The following SPATA31D1 variants were observed in gnomAD, a reference collection of about 807,000 sequenced individuals.
The protein encoded by SPATA31D1 is spermatogenesis-associated protein 31D1.
Under a neutral mutation model 13.2 loss-of-function variants are expected in SPATA31D1, and 6 were observed. The observed-to-expected ratio is 0.46, with a 90% confidence interval of 0.25 to 0.90. SPATA31D1 has a LOEUF of 0.90. Among genes scored for constraint, SPATA31D1 ranks in the 40% least tolerant of loss-of-function variants. The pLI is 0.18. For missense variants in SPATA31D1, 2,445 were observed against 1,884.7 expected, an observed-to-expected ratio of 1.30 and a Z score of -5.50; for synonymous variants, 903 against 718.8, an observed-to-expected ratio of 1.26 and a Z score of -4.10.
Position 81,992,634 on chromosome 9 carries a change from C to G in SPATA31D1, c.2164C>G (p.Leu722Val), listed in dbSNP as rs1369217622. ...LLRPQSKISE[L>V]SVSERIHGPL... Reference sequence around the variant, plus strand: ...ACGTCCTCAGAGCAAAATTTCAGAGCTATCTGTGTCAGAGAGAATTCATGG... The same window carrying G: ...ACGTCCTCAGAGCAAAATTTCAGAGGTATCTGTGTCAGAGAGAATTCATGG... The change falls in exon 4 of 4, where the codon CTA becomes GTA. Residue 722 changes from leucine to valine, a missense_variant. Transcript: ENST00000344803. 6.2e-7 allele frequency: 1 copy of G among 1,613,642 alleles called. No homozygotes were observed. The highest frequency in any genetic ancestry group is 1.1e-5 in the South Asian group (1 of 91,076).
At position 81,988,834 on chromosome 9, in the gene SPATA31D1, T is replaced by G. The variant is rs369117448; in HGVS notation, c.16T>G (p.Cys6Gly). The stretch of plus-strand genomic sequence containing the variant: ...TATTCAGACCATGGAGAATATCCTC[T>G]GTTTTCTGAACAGCTATACTGAGAC... MENILCFLNSYTETGL... is the reference protein window; with the variant it reads MENILGFLNSYTETGL... Residue 6 changes from cysteine (C) to glycine (G), a missense_variant, in exon 1 of 4, where the codon TGT (cysteine) becomes GGT (glycine). By Grantham distance (159) the Cys-to-Gly change is radical. Transcript: ENST00000344803. 1.9e-6 allele frequency: 3 copies of G among 1,612,724 alleles called. No individual in the cohort carries two copies. The East Asian group carries it at 6.7e-5, about 36-fold the overall frequency.
At position 81,993,750 on chromosome 9, in the gene SPATA31D1, C is replaced by A; in HGVS notation, c.3280C>A (p.His1094Asn). Residue 1094 changes from histidine to asparagine, a missense_variant, in exon 4 of 4, where the codon CAC (histidine) becomes AAC (asparagine). His to Asn is a moderately conservative substitution (Grantham distance 68). Coordinates refer to ENST00000344803, the MANE Select transcript of SPATA31D1 (RefSeq NM_001001670.3). ...DGRQTFLPPP[H>N]SIVDEVSQKQ... ...CAGACAGACTTTTCTGCCCCCGCCA[C>A]ACAGCATCGTAGACGAAGTCAGTCA... The A allele has an allele frequency of 2.5e-6, 4 of 1,614,022 alleles. No homozygotes were observed. The highest frequency in any genetic ancestry group is 3.4e-6 in the Non-Finnish European group (4 of 1,179,894).
chr9:81,993,887 G>A lies in SPATA31D1; in HGVS notation c.3417G>A (p.Arg1139=). 8 of 1,613,964 alleles carry A rather than the reference G, an allele frequency of 5.0e-6. No individual in the cohort carries two copies. The highest frequency in any genetic ancestry group is 6.8e-6 in the Non-Finnish European group (8 of 1,179,894). Reference sequence around the variant, plus strand: ...AGAGTTCCTTTCATAATGTAGACAGGCTTCAGGGCAGTAGAAAGACCTTTC... The same window carrying A: ...AGAGTTCCTTTCATAATGTAGACAGACTTCAGGGCAGTAGAAAGACCTTTC... ...KRKSSFHNVD[R]LQGSRKTFPV... is the part of the protein sequence containing the mutation. Residue 1139 remains arginine, a synonymous_variant, in exon 4 of 4, where the codon AGG becomes AGA. Coordinates refer to ENST00000344803, the MANE Select transcript of SPATA31D1 (RefSeq NM_001001670.3).
chr9:81,988,430 A>C (rs1824890975), upstream of SPATA31D1, among the ~76,000 whole-genome samples: 1 of 152,220 alleles, frequency 6.6e-6, no homozygotes, highest in African/African-American at 2.4e-5. Context: ...GCCTGGGTAC[A>C]ACAAATATTC....
Position 81,988,801 on chromosome 9 carries a change from A to G in SPATA31D1, c.-18A>G. The G allele has an allele frequency of 6.2e-7, 1 of 1,612,158 alleles. No homozygotes were observed. The highest frequency in any genetic ancestry group is 8.5e-7 in the Non-Finnish European group (1 of 1,179,712). Reference sequence around the variant, plus strand: ...CCCTCAGTGCTCAGTTGCTTCAGGCAGCTGAGCTATTCAGACCATGGAGAA... The same window carrying G: ...CCCTCAGTGCTCAGTTGCTTCAGGCGGCTGAGCTATTCAGACCATGGAGAA... On this transcript the variant is annotated 5_prime_UTR_variant, in exon 1 of 4. Transcript: ENST00000344803.
Position 81,991,309 on chromosome 9 carries a change from A to G in SPATA31D1, c.839A>G (p.Gln280Arg). Residue 280 changes from glutamine to arginine, a missense_variant, in exon 4 of 4, where the codon CAA becomes CGA. Physicochemically the swap from Gln to Arg is conservative, Grantham distance 43. Coordinates refer to ENST00000344803, the MANE Select transcript of SPATA31D1 (RefSeq NM_001001670.3). ...TTTTCATTTGGCTCCACCCTATGCC[A>G]AGATATTTCGCAGGCCATGAATCCC... ...TIFSFGSTLC[Q>R]DISQAMNPID... The G allele has an allele frequency of 6.2e-7, 1 of 1,614,056 alleles. No individual in the cohort carries two copies. Among genetic ancestry groups the G allele is most frequent in the Non-Finnish European group, 8.5e-7 (1 of 1,179,898 alleles).
At position 81,992,935 on chromosome 9, in the gene SPATA31D1, G is replaced by C. The variant is rs751718454; in HGVS notation, c.2465G>C (p.Gly822Ala). 25 of 1,613,724 alleles carry C rather than the reference G, an allele frequency of 1.5e-5. No individual in the cohort carries two copies. The highest frequency in any genetic ancestry group is 2.0e-5 in the Non-Finnish European group (24 of 1,179,716). ...LSGNDSGVRL[G>A]QKQLENALTV... ...GGGAATGACTCAGGGGTGAGACTAG[G>C]TCAGAAACAACTTGAAAATGCCCTG... The change falls in exon 4 of 4, where the codon GGT becomes GCT. Residue 822 changes from glycine (G) to alanine (A), a missense_variant. Physicochemically the swap from Gly to Ala is moderately conservative, Grantham distance 60. Transcript: ENST00000344803.
Position 81,991,749 on chromosome 9 carries a change from A to G in SPATA31D1, c.1279A>G (p.Met427Val). 1 of 1,613,780 alleles carries G rather than the reference A, an allele frequency of 6.2e-7. No homozygotes were observed. Among genetic ancestry groups the G allele is most frequent in the Non-Finnish European group, 8.5e-7 (1 of 1,179,726 alleles). ...RQVKKRGDFL[M>V]WKENGKKPGS... Reference sequence around the variant, plus strand: ...AGTCAAAAAAAGGGGTGATTTCCTGATGTGGAAAGAAAATGGAAAGAAACC... The same window carrying G: ...AGTCAAAAAAAGGGGTGATTTCCTGGTGTGGAAAGAAAATGGAAAGAAACC... Residue 427 changes from methionine to valine, a missense_variant, in exon 4 of 4, where the codon ATG becomes GTG. Transcript: ENST00000344803.
In SPATA31D1 at chr9:81,992,135, G is replaced by T. The variant is rs767239324; in HGVS notation, c.1665G>T (p.Leu555Phe). The T allele has an allele frequency of 6.2e-7, 1 of 1,613,456 alleles. No individual in the cohort carries two copies. Among genetic ancestry groups the T allele is most frequent in the Non-Finnish European group, 8.5e-7 (1 of 1,179,676 alleles). ...TTCCCCCTCCCCAACCTCTGTCCTT[G>T]CCTAGTACCCAACCACTACCCTTGC... is the stretch of plus-strand genomic sequence containing the variant. Reference protein sequence around the residue: ...PVLPPPQPLSLPSTQPLPLPQ... With the variant: ...PVLPPPQPLSFPSTQPLPLPQ... The change falls in exon 4 of 4, where the codon TTG (leucine) becomes TTT (phenylalanine). Residue 555 changes from leucine to phenylalanine, a missense_variant. Transcript: ENST00000344803.
Position 81,992,552 on chromosome 9 carries a change from G to A in SPATA31D1, c.2082G>A (p.Arg694=). 6.2e-7 allele frequency: 1 copy of A among 1,611,964 alleles called. No homozygotes were observed. Among genetic ancestry groups the A allele is most frequent in the Non-Finnish European group, 8.5e-7 (1 of 1,179,722 alleles). ...AACTAGAGCAACACATTCGAAGGAG[G>A]CTCATCCAGCGCAGATGGGGCCTGC... ...RKKLEQHIRR[R]LIQRRWGLPR... is the part of the protein sequence containing the mutation. Residue 694 remains arginine, a synonymous_variant, in exon 4 of 4, where the codon AGG becomes AGA. Coordinates refer to ENST00000344803, the MANE Select transcript of SPATA31D1 (RefSeq NM_001001670.3).
rs1199491834 is a variant in SPATA31D1, at chr9:81,991,460, AGGT to A, written c.993_995del (p.Gly332del). On this transcript the variant is annotated inframe_deletion, in exon 4 of 4. Transcript: ENST00000344803. ...AGACTTTTCCGGAAATGTTATCTCT[AGGT>A]GGCTCTGGTGGGTCATCCACCTCTG... The A allele has an allele frequency of 6.2e-7, 1 of 1,613,910 alleles. No homozygotes were observed. The highest frequency in any genetic ancestry group is 2.2e-5 in the East Asian group (1 of 44,888).
At chr9:81,989,087 G>A (rs1824902685) in intron 1 of SPATA31D1, 83 bp downstream of exon 1, 1 of 1,549,484 alleles carries the variant, frequency 6.5e-7, no homozygotes, top group East Asian at 2.3e-5. Flanking sequence ...AATAAGTTTG[G>A]TTGGTACAGA....
rs566094046 is a variant in SPATA31D1, at chr9:81,993,724, G to T, written c.3254G>T (p.Gly1085Val). The T allele has an allele frequency of 1.2e-6, 2 of 1,613,968 alleles. No homozygotes were observed. Among genetic ancestry groups the T allele is most frequent in the East Asian group, 4.5e-5 (2 of 44,866 alleles). The change falls in exon 4 of 4, where the codon GGC becomes GTC. Residue 1085 changes from glycine to valine, a missense_variant. Gly to Val is a moderately radical substitution (Grantham distance 109, BLOSUM62 -3). Coordinates refer to ENST00000344803, the MANE Select transcript of SPATA31D1 (RefSeq NM_001001670.3). ...LTESVRTTED[G>V]RQTFLPPPHS... ...GAAAGTGTCCGGACAACAGAGGATG[G>T]CAGACAGACTTTTCTGCCCCCGCCA...
rs964208834 is a variant in SPATA31D1, at chr9:81,992,648, G to C, written c.2178G>C (p.Glu726Asp). ...AAATTTCAGAGCTATCTGTGTCAGA[G>C]AGAATTCATGGACCGTTAAATATCT... is the stretch of plus-strand genomic sequence containing the variant. Reference protein sequence around the residue: ...QSKISELSVSERIHGPLNISL... With the variant: ...QSKISELSVSDRIHGPLNISL... Residue 726 changes from glutamate to aspartate, a missense_variant, in exon 4 of 4, where the codon GAG becomes GAC. Coordinates refer to ENST00000344803, the MANE Select transcript of SPATA31D1 (RefSeq NM_001001670.3). 2.9e-4 allele frequency: 461 copies of C among 1,613,482 alleles called. 3 individuals carry two copies. In the Admixed American group the frequency reaches 3.8e-3, roughly 13 times the overall value.
Position 81,992,662 on chromosome 9 carries a change from C to T in SPATA31D1, c.2192C>T (p.Pro731Leu), listed in dbSNP as rs575202702. 2.7e-5 allele frequency: 43 copies of T among 1,613,816 alleles called. No homozygotes were observed. The African/African-American group carries it at 3.2e-4, about 12-fold the overall frequency. ...ELSVSERIHG[P>L]LNISLVEGQR... Reference sequence around the variant, plus strand: ...TCTGTGTCAGAGAGAATTCATGGACCGTTAAATATCTCTTTGGTTGAGGGT... The same window carrying T: ...TCTGTGTCAGAGAGAATTCATGGACTGTTAAATATCTCTTTGGTTGAGGGT... The change falls in exon 4 of 4, where the codon CCG (proline) becomes CTG (leucine). Residue 731 changes from proline to leucine, a missense_variant. Physicochemically the swap from Pro to Leu is moderately conservative, Grantham distance 98. Transcript: ENST00000344803.
Position 81,992,331 on chromosome 9 carries a change from A to G in SPATA31D1, c.1861A>G (p.Ile621Val), listed in dbSNP as rs767677479. The stretch of plus-strand genomic sequence containing the variant: ...GGCACGGTCTCTTTTGCCATCTGAA[A>G]TTAACCATCTGGAGTGGAACGTGTT... ...NEARSLLPSE[I>V]NHLEWNVLQK... is the part of the protein sequence containing the mutation. Residue 621 changes from isoleucine (I) to valine (V), a missense_variant, in exon 4 of 4, where the codon ATT (isoleucine) becomes GTT (valine). Transcript: ENST00000344803. 1 of 1,613,830 alleles carries G rather than the reference A, an allele frequency of 6.2e-7. No homozygotes were observed.
At position 81,989,838 on chromosome 9, in the gene SPATA31D1, C is replaced by T; in HGVS notation, c.232+15C>T. 2.5e-6 allele frequency: 4 copies of T among 1,613,140 alleles called. No homozygotes were observed. Among genetic ancestry groups the T allele is most frequent in the Non-Finnish European group, 3.4e-6 (4 of 1,179,388 alleles). ...GACATTCAAAGGTAATGTCAGCCTG[C>T]TCTATCTGAGCTTCAGGGGTGACCC... On this transcript the variant is annotated intron_variant, in intron 2 of 3. Coordinates refer to ENST00000344803, the MANE Select transcript of SPATA31D1 (RefSeq NM_001001670.3).
chr9:81,988,792 G>A lies in SPATA31D1; in HGVS notation c.-27G>A. 6.2e-7 allele frequency: 1 copy of A among 1,612,032 alleles called. No individual in the cohort carries two copies. The highest frequency in any genetic ancestry group is 8.5e-7 in the Non-Finnish European group (1 of 1,179,698). Reference sequence around the variant, plus strand: ...GCCTGGGCACCCTCAGTGCTCAGTTGCTTCAGGCAGCTGAGCTATTCAGAC... The same window carrying A: ...GCCTGGGCACCCTCAGTGCTCAGTTACTTCAGGCAGCTGAGCTATTCAGAC... On this transcript the variant is annotated 5_prime_UTR_variant, in exon 1 of 4. Coordinates refer to ENST00000344803, the MANE Select transcript of SPATA31D1 (RefSeq NM_001001670.3).
At position 81,992,937 on chromosome 9, in the gene SPATA31D1, C is replaced by T; in HGVS notation, c.2467C>T (p.Gln823Ter). The T allele has an allele frequency of 6.2e-7, 1 of 1,613,722 alleles. No homozygotes were observed. The highest frequency in any genetic ancestry group is 2.2e-5 in the East Asian group (1 of 44,856). ...SGNDSGVRLG[Q>*]KQLENALTVR... ...GAATGACTCAGGGGTGAGACTAGGT[C>T]AGAAACAACTTGAAAATGCCCTGAC... The change falls in exon 4 of 4, where the codon CAG becomes TAG. Residue 823 changes from glutamine (Q) to a stop codon, truncating the protein, a stop_gained. Coordinates refer to ENST00000344803, the MANE Select transcript of SPATA31D1 (RefSeq NM_001001670.3). LOFTEE classifies it low-confidence loss of function (END_TRUNC).
Sources: allele counts gnomAD v4.1 joint callset (sites outside exome capture counted in the v4.1 genomes callset), GRCh38; gene constraint gnomAD v4.1.1; transcripts MANE v1.5; gene names NCBI Gene and HGNC (gene_info 2026-07-23, HGNC 2026-07-21).